ABCG1: variants seen among roughly 807,000 people sequenced by gnomAD.
ABCG1 encodes ATP binding cassette subfamily G member 1.
A neutral mutation model predicts 69.2 loss-of-function variants in ABCG1; 29 were observed. The ratio of observed to expected loss-of-function variants is 0.42; its 90% CI spans 0.31 to 0.57. The LOEUF (loss-of-function observed/expected upper bound fraction) is 0.57, where lower values mean the gene tolerates loss of function less well. Among genes scored for constraint, ABCG1 ranks in the 20% least tolerant of loss-of-function variants. The probability of loss-of-function intolerance (pLI) is 0.15; values close to 1 mark genes in which losing one functional copy is unlikely to be tolerated. For missense variants in ABCG1, 718 were observed against 898.1 expected (o/e 0.80, Z 2.56); for synonymous variants, 370 against 374.8 (o/e 0.99, Z 0.15).
intron 2 of ABCG1, among the ~76,000 whole-genome samples, chr21:42,266,684 C>A (rs2068511373): frequency 6.6e-6 from 1 of 152,180 alleles, no homozygotes; most frequent in South Asian, 2.1e-4. Context: ...GTGCCCCTTG[C>A]TAAGCTCCCA....
In ABCG1 at chr21:42,225,666, T is replaced by C; in HGVS notation, c.43-5T>C. 6.2e-7 allele frequency: 1 copy of C among 1,612,310 alleles called. No individual in the cohort carries two copies. The highest frequency in any genetic ancestry group is 8.5e-7 in the Non-Finnish European group (1 of 1,179,644). On this transcript the variant is annotated splice_region_variant and splice_polypyrimidine_tract_variant and intron_variant, in intron 1 of 14. Coordinates refer to ENST00000398449, the MANE Select transcript of ABCG1 (RefSeq NM_016818.3). ...AGGTCTTGTTGCTTCCTCTGGTTTTTCTAGAATGCCAGCAGTTACTCTGCA... is the reference window on the plus strand; with the variant it reads ...AGGTCTTGTTGCTTCCTCTGGTTTTCCTAGAATGCCAGCAGTTACTCTGCA...
intron 1 of ABCG1, among the ~76,000 whole-genome samples, chr21:42,200,523 A>G (rs368075440): frequency 6.6e-6 from 1 of 151,432 alleles, no homozygotes; most frequent in East Asian, 1.9e-4. Context: ...ACAGAAGACA[A>G]TTTTTCCATG....
chr21:42,217,965 G>A (rs571406768), upstream of ABCG1, among the ~76,000 whole-genome samples: 18 of 152,204 alleles, frequency 1.2e-4, no homozygotes, highest in African/African-American at 3.4e-4. Context: ...CACTGCGCCC[G>A]GCTGGATGAC....
At chr21:42,259,432 G>A (rs1569223502) in intron 2 of ABCG1, 4 of 1,549,508 alleles carry the variant, frequency 2.6e-6, no homozygotes, top group South Asian at 2.4e-5. Context: ...GCTCTTCAGG[G>A]AAAAAGGGTG....
Position 42,287,905 on chromosome 21 carries a change from C to T in ABCG1, c.990C>T (p.Ser330=), listed in dbSNP as rs764757332. The T allele has an allele frequency of 6.4e-5, 102 of 1,590,548 alleles. 1 individual carries two copies. Among genetic ancestry groups the T allele is most frequent in the East Asian group, 4.3e-4 (19 of 44,406 alleles). The change falls in exon 9 of 15, where the codon TCC becomes TCT. Residue 330 remains serine, a synonymous_variant. Transcript: ENST00000398449. This position sits in a 1 kb window ranked among gnomAD's most constrained non-coding sequence, Gnocchi z 6.2. ...NPADFVMEVA[S]GEYGDQNSRL... ...CTCCTGCAGTCATGGAGGTTGCATC[C>T]GGCGAGTACGGTGATCAGAACAGTC... is the stretch of plus-strand genomic sequence containing the variant.
upstream of ABCG1, among the ~76,000 whole-genome samples, chr21:42,212,984 C>T (rs1034288328): frequency 3.9e-5 from 6 of 152,314 alleles, no homozygotes; most frequent in Middle Eastern, 3.4e-3. Flanking sequence ...TGAGCCACCG[C>T]ACCTGGCCTA....
At chr21:42,237,406 C>T (rs964050739) in intron 2 of ABCG1, among the ~76,000 whole-genome samples, 1 of 152,190 alleles carries the variant, frequency 6.6e-6, no homozygotes, top group African/African-American at 2.4e-5. Context: ...CACCTCATCT[C>T]CCCAGGCTAG....
chr21:42,269,451 G>A (rs1162534787), intron 2 of ABCG1, among the ~76,000 whole-genome samples: 1 of 152,192 alleles, frequency 6.6e-6, no homozygotes, highest in Non-Finnish European at 1.5e-5. Flanking sequence ...GGCCTCAAGT[G>A]CTGTGTGTTT....
intron 2 of ABCG1, among the ~76,000 whole-genome samples, chr21:42,236,563 G>T (rs745951975): frequency 7.2e-5 from 11 of 152,186 alleles, no homozygotes; most frequent in Non-Finnish European, 1.5e-4. Flanking sequence ...AACCTTTTGG[G>T]CTCCTGACCA....
At chr21:42,224,407 C>A (rs2067781003) in intron 1 of ABCG1, among the ~76,000 whole-genome samples, 1 of 152,168 alleles carries the variant, frequency 6.6e-6, no homozygotes, top group African/African-American at 2.4e-5. Context: ...ATCATCACAC[C>A]AGACCCCTAA....
At chr21:42,256,112 C>T (rs1366484097) in intron 2 of ABCG1, 6 of 1,335,994 alleles carry the variant, frequency 4.5e-6, no homozygotes, top group African/African-American at 1.5e-5. Context: ...GGGTGAGGCC[C>T]GTGACCTTCC....
upstream of ABCG1, chr21:42,219,017 C>G (rs2067675645): frequency 4.3e-6 from 1 of 234,658 alleles, no homozygotes; most frequent in Non-Finnish European, 8.1e-6. This position sits in a 1 kb window ranked among gnomAD's most constrained non-coding sequence, Gnocchi z 5.3. Context: ...TCCGCCGCCC[C>G]CAGCAGGAGC....
chr21:42,222,052 A>G (rs1358860588), intron 1 of ABCG1, among the ~76,000 whole-genome samples: 1 of 152,198 alleles, frequency 6.6e-6, no homozygotes, highest in African/African-American at 2.4e-5. Context: ...TGAACTTACT[A>G]TGACGTACAA....
chr21:42,288,342 T>C lies in ABCG1; in HGVS notation c.1224+30T>C, dbSNP rs187499738. On this transcript the variant is annotated intron_variant, in intron 10 of 14. Coordinates refer to ENST00000398449, the MANE Select transcript of ABCG1 (RefSeq NM_016818.3). This position sits in a 1 kb window ranked among gnomAD's most constrained non-coding sequence, Gnocchi z 4.8. ...GGCTGCCCGCATCTTCTCCTGTAGC[T>C]GGGGAACCCGTGGGTCATTTTCTCA... 66 of 1,538,100 alleles carry C rather than the reference T, an allele frequency of 4.3e-5. 1 individual carries two copies. Among genetic ancestry groups the C allele is most frequent in the Admixed American group, 3.5e-4 (21 of 59,552 alleles).
chr21:42,199,713 T>G (rs2067492378), exon 1 of ABCG1: 1 of 152,240 alleles, frequency 6.6e-6, no homozygotes, highest in Non-Finnish European at 1.5e-5. Flanking sequence ...CATTTGTAGT[T>G]TGGGGGGCTT....
intron 5 of ABCG1, among the ~76,000 whole-genome samples, chr21:42,277,829 AG>A (rs1369533923): frequency 6.6e-6 from 1 of 152,226 alleles, no homozygotes; most frequent in Non-Finnish European, 1.5e-5. Context: ...AAACATACTG[AG>A]GAACAGTCAT....
intron 1 of ABCG1, among the ~76,000 whole-genome samples, chr21:42,222,937 A>T (rs225411): frequency 1.3e-5 from 2 of 151,860 alleles, no homozygotes; most frequent in Non-Finnish European, 2.9e-5. Context: ...CCCACTACCA[A>T]CAGCAGATCC....
intron 6 of ABCG1, among the ~76,000 whole-genome samples, chr21:42,283,173 T>A (rs1173039169): frequency 3.3e-5 from 5 of 152,140 alleles, no homozygotes; most frequent in Non-Finnish European, 7.4e-5. Flanking sequence ...CTCTCCAAAG[T>A]CCAGCGAGAT....
chr21:42,212,281 A>G (rs2381040), upstream of ABCG1, among the ~76,000 whole-genome samples: 6,118 of 152,270 alleles, frequency 0.04, 400 homozygotes, highest in African/African-American at 0.14. Flanking sequence ...CTGGAACTGG[A>G]TAATGGGCAG....
Sources: allele counts gnomAD v4.1 joint callset (sites outside exome capture counted in the v4.1 genomes callset), GRCh38; gene constraint gnomAD v4.1.1; non-coding constraint Gnocchi (gnomAD v3.1); transcripts MANE v1.5; gene names NCBI Gene and HGNC (gene_info 2026-07-23, HGNC 2026-07-21).